MACROD2: variants seen among roughly 807,000 people sequenced by gnomAD.
The protein encoded by MACROD2 is ADP-ribose glycohydrolase MACROD2.
Under a neutral mutation model 70.4 loss-of-function variants are expected in MACROD2, and 36 were observed. The ratio of observed to expected loss-of-function variants is 0.51; its 90% confidence interval spans 0.39 to 0.68. The LOEUF (loss-of-function observed/expected upper bound fraction) is 0.68. Ranked by LOEUF, MACROD2 falls within the 30% of genes least tolerant of loss-of-function variation. The probability of loss-of-function intolerance (pLI) is 0.00; values close to 1 mark genes in which losing one functional copy is unlikely to be tolerated. For synonymous variants in MACROD2, 172 were observed against 178.8 expected (o/e 0.96, Z 0.30); for missense variants, 496 against 538.4 (o/e 0.92, Z 0.78).
intron 8 of MACROD2, among the ~76,000 whole-genome samples, chr20:15,638,716 A>G (rs1385673916): frequency 2.0e-5 from 3 of 152,334 alleles, no homozygotes; most frequent in Middle Eastern, 6.8e-3. Context: ...GCATTATAAA[A>G]TCAGAATTCT....
intron 13 of MACROD2, among the ~76,000 whole-genome samples, chr20:15,968,809 A>G (rs1185448004): frequency 1.4e-4 from 13 of 93,060 alleles, no homozygotes; most frequent in Admixed American, 7.9e-4. Flanking sequence ...ATATATATAT[A>G]TATATATATA....
chr20:14,110,298 C>CT (rs1044247915), intron 3 of MACROD2, among the ~76,000 whole-genome samples: 36 of 151,682 alleles, frequency 2.4e-4, no homozygotes, highest in African/African-American at 6.5e-4. Flanking sequence ...AAACTGAAAG[C>CT]TTTTTTTTAA....
At chr20:15,101,448 T>C (rs1044296349) in intron 5 of MACROD2, among the ~76,000 whole-genome samples, 2 of 146,314 alleles carry the variant, frequency 1.4e-5, no homozygotes, top group Non-Finnish European at 3.0e-5. Flanking sequence ...TCCTCTCCCT[T>C]TTACATGTGA....
At chr20:15,302,287 A>G (rs2077652699) in intron 6 of MACROD2, among the ~76,000 whole-genome samples, 1 of 152,088 alleles carries the variant, frequency 6.6e-6, no homozygotes, top group Non-Finnish European at 1.5e-5. Flanking sequence ...GATCAAATGC[A>G]TGAGCTTAGG....
At chr20:14,755,422 G>A (rs1028947003) in intron 5 of MACROD2, among the ~76,000 whole-genome samples, 1 of 152,054 alleles carries the variant, frequency 6.6e-6, no homozygotes. Flanking sequence ...AGAGACAAGT[G>A]CCTAACAACT....
chr20:14,538,477 C>A (rs965074012), intron 4 of MACROD2, among the ~76,000 whole-genome samples: 1 of 152,224 alleles, frequency 6.6e-6, no homozygotes, highest in Non-Finnish European at 1.5e-5. Context: ...CAATACACCC[C>A]TGCCTAACAC....
chr20:15,492,038 C>T (rs1036342335), intron 7 of MACROD2, among the ~76,000 whole-genome samples: 8 of 152,208 alleles, frequency 5.3e-5, no homozygotes, highest in African/African-American at 1.2e-4. Context: ...TGCTCCTGGG[C>T]GAAGCCAGTG....
intron 8 of MACROD2, among the ~76,000 whole-genome samples, chr20:15,773,130 CT>C (rs1363870578): frequency 6.6e-6 from 1 of 152,168 alleles, no homozygotes; most frequent in East Asian, 1.9e-4. Context: ...CTTTTTTGTA[CT>C]TTGTTTCATC....
rs546752026 is a variant in MACROD2, at chr20:14,222,999, G to C, written c.271+137271G>C. The C allele has an allele frequency of 3.9e-5, 6 of 152,332 alleles. No individual in the cohort carries two copies. The South Asian group carries it at 1.2e-3, about 32-fold the overall frequency. 9.4% of individuals were successfully genotyped at this position (152,332 alleles called of 1,614,324 possible). The stretch of plus-strand genomic sequence containing the variant: ...TATTATTTTAGGTGCTCAGATATTT[G>C]TATAGGCTTTGCTTGCTCACATAAG... On this transcript the variant is annotated intron_variant, in intron 3 of 17. Coordinates refer to ENST00000684519, the MANE Select transcript of MACROD2 (RefSeq NM_001351661.2).
chr20:15,170,968 C>G (rs2076418181), intron 5 of MACROD2, among the ~76,000 whole-genome samples: 1 of 152,114 alleles, frequency 6.6e-6, no homozygotes, highest in Non-Finnish European at 1.5e-5. Flanking sequence ...GAAAGTTTTA[C>G]TCAGTATGGC....
At position 14,789,460 on chromosome 20, in the gene MACROD2, A is replaced by ATTTTTTTTTTTTTTTT. The variant is rs3045609; in HGVS notation, c.418+104518_418+104533dup. Among the ~76,000 whole-genome samples the ATTTTTTTTTTTTTTTT allele has an allele frequency of 6.0e-4, 29 of 48,354 alleles. 5 individuals carry two copies. Among genetic ancestry groups the ATTTTTTTTTTTTTTTT allele is most frequent in the African/African-American group, 7.7e-4 (9 of 11,670 alleles). The allele number at this position is 48,354 out of a possible 152,430, so 31.7% of individuals were successfully genotyped here. On this transcript the variant is annotated intron_variant, in intron 5 of 17. Coordinates refer to ENST00000684519, the MANE Select transcript of MACROD2 (RefSeq NM_001351661.2). ...CTTGTGGATTAATCAGGTAGTGCAA[A>ATTTTTTTTTTTTTTTT]TTTTTTTTTTTTTTTTTTTTTTTTT...
intron 10 of MACROD2, among the ~76,000 whole-genome samples, chr20:15,887,725 G>C (rs1173279170): frequency 6.6e-6 from 1 of 152,080 alleles, no homozygotes; most frequent in Non-Finnish European, 1.5e-5. Context: ...TTTTCTAGTA[G>C]CCACATTGAA....
intron 3 of MACROD2, among the ~76,000 whole-genome samples, chr20:14,289,170 T>G (rs1002966360): frequency 1.9e-4 from 29 of 152,162 alleles, no homozygotes; most frequent in African/African-American, 6.8e-4. Context: ...AGTACAGATC[T>G]TAGAGACCAT....
intron 5 of MACROD2, among the ~76,000 whole-genome samples, chr20:15,193,463 C>A (rs2076584977): frequency 6.6e-6 from 1 of 151,982 alleles, no homozygotes; most frequent in Admixed American, 6.6e-5. Flanking sequence ...GGCAACATAG[C>A]AAGACCCCAT....
At chr20:15,325,346 T>C (rs2146179288) in intron 6 of MACROD2, among the ~76,000 whole-genome samples, 1 of 152,316 alleles carries the variant, frequency 6.6e-6, no homozygotes, top group Non-Finnish European at 1.5e-5. Flanking sequence ...TACAAAACCT[T>C]GTCCCAGCTA....
rs374612604 is a variant in MACROD2, at chr20:14,981,108, C to T, written c.419-248832C>T. Among the ~76,000 whole-genome samples, 573 of 151,440 alleles carry T rather than the reference C, an allele frequency of 3.8e-3. 2 individuals carry two copies. The highest frequency in any genetic ancestry group is 0.01 in the Middle Eastern group (3 of 294). ...CTAACTTAAGAGTTTGGGGGAATGC[C>T]CCCATTTCTTATAGCTTTTAGGAAA... On this transcript the variant is annotated intron_variant, in intron 5 of 17. Coordinates refer to ENST00000684519, the MANE Select transcript of MACROD2 (RefSeq NM_001351661.2).
chr20:15,942,712 G>C lies in MACROD2; in HGVS notation c.907+5168G>C, dbSNP rs537056307. On this transcript the variant is annotated intron_variant, in intron 12 of 17. Coordinates refer to ENST00000684519, the MANE Select transcript of MACROD2 (RefSeq NM_001351661.2). The stretch of plus-strand genomic sequence containing the variant: ...TATTATTATTACTATTTAAGATATA[G>C]TCAACCTCTTTAAGATAAATAATAT... 3.9e-5 allele frequency among the ~76,000 whole-genome samples: 6 copies of C among 152,226 alleles called. No individual in the cohort carries two copies. The South Asian group carries it at 1.2e-3, about 32-fold the overall frequency.
At chr20:15,692,961 G>A (rs1302595220) in intron 8 of MACROD2, among the ~76,000 whole-genome samples, 1 of 152,070 alleles carries the variant, frequency 6.6e-6, no homozygotes, top group East Asian at 1.9e-4. Flanking sequence ...AGATTTGATG[G>A]TTTAAAAGTG....
intron 10 of MACROD2, among the ~76,000 whole-genome samples, chr20:15,927,267 G>A (rs1193417892): frequency 6.6e-6 from 1 of 152,128 alleles, no homozygotes; most frequent in Non-Finnish European, 1.5e-5. Flanking sequence ...CTTGACATGT[G>A]TTTATGGAGC....
Sources: gnomAD v4.1 joint callset for allele counts (sites outside exome capture counted in the v4.1 genomes callset) on GRCh38, gnomAD v4.1.1 for gene constraint, MANE v1.5 for transcripts, NCBI Gene and HGNC (gene_info 2026-07-23, HGNC 2026-07-21) for gene names.